The following TOMM40 variants were observed in gnomAD, a reference collection of about 807,000 sequenced individuals.
The protein encoded by TOMM40 is translocase of outer mitochondrial membrane 40.
In TOMM40, 9 loss-of-function variants were observed where a neutral mutation model predicts 38.4. The ratio of observed to expected loss-of-function variants is 0.23; its 90% CI spans 0.14 to 0.41. TOMM40 has a LOEUF of 0.41. TOMM40 is among the 10% of genes least tolerant of loss of function. The pLI, the probability that TOMM40 is intolerant of heterozygous loss-of-function variation, is 1.00. For synonymous variants in TOMM40, 184 were observed against 210.0 expected (o/e 0.88, Z 1.07); for missense variants, 299 against 486.5 (o/e 0.61, Z 3.63).
At chr19:44,899,888 C>T (rs1969647050) in intron 5 of TOMM40, among the ~76,000 whole-genome samples, 1 of 148,192 alleles carries the variant, frequency 6.7e-6, no homozygotes, top group South Asian at 2.1e-4. Context: ...AGCAATCCTC[C>T]CTTCTCAGCC....
intron 5 of TOMM40, among the ~76,000 whole-genome samples, chr19:44,898,722 G>A (rs1171977000): frequency 1.2e-4 from 18 of 151,478 alleles, no homozygotes; most frequent in Non-Finnish European, 2.9e-5. Context: ...ATTTTTAGTA[G>A]AGACAGGGTT....
chr19:44,900,646 G>C (rs532401557), intron 5 of TOMM40, 84 bp from the exon 6 acceptor site: 5 of 1,605,566 alleles, frequency 3.1e-6, no homozygotes, highest in African/African-American at 1.3e-5. Context: ...GCCTCCAGCC[G>C]GGGTGAGCCT....
chr19:44,898,630 C>T (rs866098236), intron 5 of TOMM40, among the ~76,000 whole-genome samples: 36 of 150,858 alleles, frequency 2.4e-4, no homozygotes, highest in African/African-American at 8.0e-4. Context: ...TTCCGCCTCC[C>T]GGGTTCAAGC....
intron 3 of TOMM40, among the ~76,000 whole-genome samples, chr19:44,893,328 G>A (rs367641910): frequency 4.6e-5 from 7 of 152,340 alleles, no homozygotes; most frequent in South Asian, 4.1e-4. Context: ...GGTTCCCGCT[G>A]TAGAAATCTC....
At position 44,901,380 on chromosome 19, in the gene TOMM40, C is replaced by T. The variant is rs1372141036; in HGVS notation, c.946+70C>T. 16 of 1,558,668 alleles carry T rather than the reference C, an allele frequency of 1.0e-5. No homozygotes were observed. The East Asian group carries it at 3.6e-4, about 35-fold the overall frequency. ...CTCAACTCTGAGTGGATGTGTGGGC[C>T]ACCACAGGTGCTGGAGGACAGTGTG... On this transcript the variant is annotated intron_variant, in intron 8 of 8. Coordinates refer to ENST00000426677, the MANE Select transcript of TOMM40 (RefSeq NM_001128917.2).
In TOMM40 at chr19:44,903,010, A is replaced by C; in HGVS notation, c.947-20A>C. On this transcript the variant is annotated intron_variant, in intron 8 of 8. Transcript: ENST00000426677. ...ATGGTGGGAAGCTGGCACGCCTCTC[A>C]CCTCAGCTCTTCCCTGCAGGCTCTG... 1 of 1,608,492 alleles carries C rather than the reference A, an allele frequency of 6.2e-7. No homozygotes were observed. The highest frequency in any genetic ancestry group is 1.1e-5 in the South Asian group (1 of 90,488).
rs1275991853 is a variant in TOMM40, at chr19:44,901,298, C to G, written c.934C>G (p.Leu312Val). The change falls in exon 8 of 9, where the codon CTC becomes GTC. Residue 312 changes from leucine to valine, a missense_variant. Leu to Val is a conservative substitution (Grantham distance 32, BLOSUM62 1). Transcript: ENST00000426677. ...CCAGCTGGACCTGCCCAAGGCCAACCTCCTCTTCAAAGGTAAAGGTCTCGG... is the reference window on the plus strand; with the variant it reads ...CCAGCTGGACCTGCCCAAGGCCAACGTCCTCTTCAAAGGTAAAGGTCTCGG... ...GYQLDLPKAN[L>V]LFKGSVDSNW... 4.3e-6 allele frequency: 7 copies of G among 1,613,930 alleles called. No homozygotes were observed. The East Asian group carries it at 1.6e-4, about 36-fold the overall frequency.
chr19:44,892,121 C>G (rs896918211), intron 1 of TOMM40, among the ~76,000 whole-genome samples: 3 of 152,184 alleles, frequency 2.0e-5, no homozygotes, highest in African/African-American at 7.2e-5. Context: ...TATACGTTAA[C>G]TCATTAGATC....
chr19:44,898,845 T>C (rs943621374), intron 5 of TOMM40, among the ~76,000 whole-genome samples: 1 of 151,778 alleles, frequency 6.6e-6, no homozygotes, highest in Non-Finnish European at 1.5e-5. Flanking sequence ...GCCTCTTTTT[T>C]TCTTTAAAAA....
intron 3 of TOMM40, among the ~76,000 whole-genome samples, chr19:44,893,397 G>A (rs1969505068): frequency 6.6e-6 from 1 of 152,184 alleles, no homozygotes; most frequent in Non-Finnish European, 1.5e-5. Context: ...AAAACTGGAG[G>A]CCCAGACAGG....
chr19:44,893,719 C>G (rs926525060), intron 3 of TOMM40, 61 bp from the exon 4 acceptor site: 2 of 1,409,428 alleles, frequency 1.4e-6, no homozygotes, highest in African/African-American at 1.4e-5. Flanking sequence ...TCACCCCGGC[C>G]CATCTCACAT....
At chr19:44,899,998 T>G (rs1336525175) in intron 5 of TOMM40, among the ~76,000 whole-genome samples, 1 of 152,006 alleles carries the variant, frequency 6.6e-6, no homozygotes, top group Non-Finnish European at 1.5e-5. Flanking sequence ...TCCCCAATTC[T>G]TCTGGCCCTA....
At chr19:44,891,840 CT>C (rs1287554295) in intron 1 of TOMM40, 151 bp downstream of exon 1, 1 of 885,994 alleles carries the variant, frequency 1.1e-6, no homozygotes, top group East Asian at 3.3e-5. Context: ...GAACGTTGGA[CT>C]TGGGGCTTAG....
chr19:44,897,723 G>A (rs934484095), intron 5 of TOMM40, among the ~76,000 whole-genome samples: 25 of 151,004 alleles, frequency 1.7e-4, no homozygotes, highest in African/African-American at 5.6e-4. Context: ...GCAGTGAGCC[G>A]AGATGACGCC....
Position 44,892,530 on chromosome 19 carries a change from C to T in TOMM40, c.342+70C>T. 7.7e-6 allele frequency: 11 copies of T among 1,421,554 alleles called. 1 individual carries two copies. Among genetic ancestry groups the T allele is most frequent in the South Asian group, 6.9e-5 (6 of 86,952 alleles). The allele number at this position is 1,421,554 out of a possible 1,614,324, so 88.1% of individuals were successfully genotyped here. On this transcript the variant is annotated intron_variant, in intron 2 of 8. Transcript: ENST00000426677. ...GTCCCCCTCCCTGCATCTGCACACT[C>T]GGCCCAATTACTCCTCCCTCAAGAG...
At position 44,891,578 on chromosome 19, in the gene TOMM40, G is replaced by C; in HGVS notation, c.163G>C (p.Glu55Gln). The change falls in exon 1 of 9, where the codon GAA (glutamate) becomes CAA (glutamine). Residue 55 changes from glutamate to glutamine, a missense_variant. Transcript: ENST00000426677. ...CGGCACCAGTACGAGTCGAAGTTCG[G>C]AACGGACCCCCGGGGCTGCAACCGC... ...GAGTSTSRSS[E>Q]RTPGAATASA... 1 of 1,456,772 alleles carries C rather than the reference G, an allele frequency of 6.9e-7. No individual in the cohort carries two copies. Among genetic ancestry groups the C allele is most frequent in the Non-Finnish European group, 9.0e-7 (1 of 1,106,562 alleles). The allele number at this position is 1,456,772 out of a possible 1,614,324, so 90.2% of individuals were successfully genotyped here.
chr19:44,897,789 AAAG>A (rs1224668303), intron 5 of TOMM40, among the ~76,000 whole-genome samples: 4 of 147,848 alleles, frequency 2.7e-5, no homozygotes, highest in Admixed American at 6.7e-5. Context: ...AAAAAAAAAA[AAAG>A]AGAGAGAGAG....
intron 8 of TOMM40, 92 bp downstream of exon 8, chr19:44,901,402 T>C (rs1340250097): frequency 6.5e-7 from 1 of 1,535,846 alleles, no homozygotes; most frequent in African/African-American, 1.4e-5. Context: ...TGGAGGACAG[T>C]GTGCTGCCAC....
At position 44,891,373 on chromosome 19, in the gene TOMM40, G is replaced by A. The variant is rs1463813829; in HGVS notation, c.-43G>A. ...GCTGGGGCTGAGTCGGGGGCGCGCG[G>A]GCCCTGACCTCTGCCCTCTGACCTC... On this transcript the variant is annotated 5_prime_UTR_variant, in exon 1 of 9. Coordinates refer to ENST00000426677, the MANE Select transcript of TOMM40 (RefSeq NM_001128917.2). The A allele has an allele frequency of 4.8e-6, 6 of 1,241,836 alleles. No individual in the cohort carries two copies. The highest frequency in any genetic ancestry group is 6.0e-6 in the Non-Finnish European group (6 of 992,366). The allele number at this position is 1,241,836 out of a possible 1,614,324, so 76.9% of individuals were successfully genotyped here. A position where few individuals can be genotyped will look rare whatever the true frequency, so the allele number is the denominator to read the frequency against.
Sources: gnomAD v4.1 joint callset for allele counts (sites outside exome capture counted in the v4.1 genomes callset) on GRCh38, gnomAD v4.1.1 for gene constraint, MANE v1.5 for transcripts, NCBI Gene and HGNC (gene_info 2026-07-23, HGNC 2026-07-21) for gene names.